RBM27: variants seen among roughly 807,000 people sequenced by gnomAD.
RBM27 encodes the protein RNA-binding protein 27.
A neutral mutation model predicts 135.3 loss-of-function variants in RBM27; 22 were observed. The observed-to-expected ratio is 0.16, with a 90% CI of 0.12 to 0.23. RBM27 has a LOEUF of 0.23. Ranked by LOEUF, RBM27 falls within the 10% of genes least tolerant of loss-of-function variation. The pLI is 1.00. For synonymous variants in RBM27, 481 were observed against 442.4 expected (o/e 1.09, Z -1.10); for missense variants, 1,009 against 1,281.0 (o/e 0.79, Z 3.24).
chr5:146,229,816 C>T lies in RBM27; in HGVS notation c.495C>T (p.Gly165=). The T allele has an allele frequency of 2.5e-6, 4 of 1,613,880 alleles. No individual in the cohort carries two copies. Among genetic ancestry groups the T allele is most frequent in the Non-Finnish European group, 3.4e-6 (4 of 1,179,982 alleles). ...LYREKYDWRR[G]RSKSRSKSRG... is the part of the protein sequence containing the mutation. ...GTGAGAAGTATGACTGGAGAAGAGGCAGGAGTAAGAGTCGGAGTAAGAGTC... is the reference window on the plus strand; with the variant it reads ...GTGAGAAGTATGACTGGAGAAGAGGTAGGAGTAAGAGTCGGAGTAAGAGTC... The change falls in exon 5 of 21, where the codon GGC becomes GGT. Residue 165 remains glycine, a synonymous_variant. Transcript: ENST00000265271.
chr5:146,267,259 T>C, intron 14 of RBM27, among the ~76,000 whole-genome samples: 1 of 152,212 alleles, frequency 6.6e-6, no homozygotes, highest in Non-Finnish European at 1.5e-5. Flanking sequence ...AAGCAGTAAG[T>C]GGTAAAGAAG....
At chr5:146,263,702 T>A (rs1177936617) in intron 14 of RBM27, 71 bp downstream of exon 14, 2 of 1,531,244 alleles carry the variant, frequency 1.3e-6, no homozygotes, top group African/African-American at 2.7e-5. Context: ...TCAGTTATCA[T>A]TCAGACAGTG....
intron 3 of RBM27, 115 bp downstream of exon 3, chr5:146,223,642 T>A (rs1389698262): frequency 4.9e-6 from 6 of 1,216,218 alleles, no homozygotes; most frequent in Non-Finnish European, 6.7e-6. Context: ...GTTTCCGGAT[T>A]TTAGGCATGG....
At chr5:146,278,950 T>C (rs1759210983) in intron 19 of RBM27, among the ~76,000 whole-genome samples, 1 of 151,540 alleles carries the variant, frequency 6.6e-6, no homozygotes, top group Non-Finnish European at 1.5e-5. Flanking sequence ...CTCGATCTCC[T>C]GACCTCGTGA....
At chr5:146,214,166 A>C (rs191800743) in intron 1 of RBM27, among the ~76,000 whole-genome samples, 29 of 152,190 alleles carry the variant, frequency 1.9e-4, no homozygotes, top group Non-Finnish European at 3.5e-4. Flanking sequence ...TATCTTTACA[A>C]ATTTACAAAT....
rs180879922 is a variant in RBM27 at position 146,212,073 on chromosome 5, C to T, written c.60-6912C>T. ...TGGTTTTTATTGTTCCCGCCACCCC[C>T]GAGATGGAGTCTTGCTCTGTCACCC... On this transcript the variant is annotated intron_variant, in intron 1 of 20. Transcript: ENST00000265271. Among the ~76,000 whole-genome samples the T allele has an allele frequency of 9.4e-4, 143 of 152,030 alleles. 1 individual carries two copies. Among genetic ancestry groups the T allele is most frequent in the Middle Eastern group, 6.8e-3 (2 of 294 alleles).
intron 8 of RBM27, among the ~76,000 whole-genome samples, chr5:146,249,709 T>TAA (rs71581865): frequency 2.9e-5 from 4 of 140,118 alleles, no homozygotes; most frequent in Admixed American, 7.5e-5. Context: ...AAAGAAAAAG[T>TAA]AAAAAAAAAA....
intron 2 of RBM27, 82 bp from the exon 3 acceptor site, chr5:146,223,321 T>C: frequency 1.5e-6 from 2 of 1,346,572 alleles, no homozygotes; most frequent in Non-Finnish European, 2.0e-6. Context: ...GATGTCCTGT[T>C]TTCCTGAGCT....
chr5:146,257,361 T>TA (rs1384555120), intron 10 of RBM27, among the ~76,000 whole-genome samples: 6 of 152,362 alleles, frequency 3.9e-5, no homozygotes, highest in East Asian at 1.9e-4. Flanking sequence ...GACAGATTCT[T>TA]AGAGTATTTC....
At chr5:146,216,252 G>C (rs1006602435) in intron 1 of RBM27, among the ~76,000 whole-genome samples, 6 of 152,050 alleles carry the variant, frequency 3.9e-5, no homozygotes, top group Admixed American at 6.6e-5. Flanking sequence ...TTTCACCATG[G>C]TCTAAAACTT....
intron 20 of RBM27, among the ~76,000 whole-genome samples, 154 bp from the exon 21 acceptor site, chr5:146,285,791 CTT>C (rs3062196): frequency 1.8e-4 from 25 of 136,666 alleles, no homozygotes; most frequent in South Asian, 2.3e-4. Context: ...ATATTTTGGG[CTT>C]TTTTTTTTTT....
chr5:146,209,135 A>C (rs757428848), intron 1 of RBM27, among the ~76,000 whole-genome samples: 2 of 152,172 alleles, frequency 1.3e-5, no homozygotes, highest in Non-Finnish European at 1.5e-5. Context: ...TATGAGTATT[A>C]ATGATGTAGA....
chr5:146,235,033 A>AAAAT (rs59434635), intron 7 of RBM27, among the ~76,000 whole-genome samples: 17,215 of 139,364 alleles, frequency 0.12, 1,140 homozygotes, highest in African/African-American at 0.14. Context: ...CCCTGTCTCA[A>AAAAT]AAATAAATAA....
chr5:146,211,513 C>T (rs1317409163), intron 1 of RBM27, among the ~76,000 whole-genome samples: 7 of 77,578 alleles, frequency 9.0e-5, no homozygotes, highest in African/African-American at 3.0e-4. Flanking sequence ...AGGAGTTTCG[C>T]TCTTGTTGCC....
At chr5:146,282,253 A>G (rs1178156036) in intron 19 of RBM27, among the ~76,000 whole-genome samples, 4 of 152,012 alleles carry the variant, frequency 2.6e-5, no homozygotes, top group African/African-American at 9.7e-5. Context: ...TGATCCGCCC[A>G]CCTCGGCCTC....
intron 1 of RBM27, among the ~76,000 whole-genome samples, chr5:146,205,584 G>GA (rs1755603846): frequency 1.4e-5 from 2 of 146,306 alleles, no homozygotes; most frequent in East Asian, 4.2e-4. Context: ...CTCTTGAATA[G>GA]GGGTTTTTTT....
intron 10 of RBM27, among the ~76,000 whole-genome samples, chr5:146,256,351 A>T (rs965794590): frequency 7.5e-5 from 11 of 146,096 alleles, no homozygotes; most frequent in African/African-American, 2.5e-4. Context: ...TATATTATTT[A>T]TATATATATA....
At chr5:146,214,761 G>T (rs1026290514) in intron 1 of RBM27, among the ~76,000 whole-genome samples, 1 of 152,128 alleles carries the variant, frequency 6.6e-6, no homozygotes, top group African/African-American at 2.4e-5. Flanking sequence ...CATGTTAGGA[G>T]CTGTTAAATG....
chr5:146,221,939 A>G (rs1756478835), intron 2 of RBM27, among the ~76,000 whole-genome samples: 1 of 152,030 alleles, frequency 6.6e-6, no homozygotes, highest in South Asian at 2.1e-4. Flanking sequence ...TTTTATTTTT[A>G]TTTATTTTTA....
Sources: allele counts gnomAD v4.1 joint callset (sites outside exome capture counted in the v4.1 genomes callset), GRCh38; gene constraint gnomAD v4.1.1; transcripts MANE v1.5; gene names NCBI Gene and HGNC (gene_info 2026-07-23, HGNC 2026-07-21).